The following HEATR1 variants were observed in gnomAD, a reference collection of about 807,000 sequenced individuals.
HEATR1 encodes the protein HEAT repeat containing 1.
In HEATR1, 77 loss-of-function variants were observed where a neutral mutation model predicts 248.2. That is an observed-to-expected ratio of 0.31 (90% CI 0.26 to 0.37). The LOEUF is 0.37. Ranked by LOEUF, HEATR1 falls within the 10% of genes least tolerant of loss-of-function variation. The pLI, the probability that HEATR1 is intolerant of heterozygous loss-of-function variation, is 1.00. For missense variants in HEATR1, 2,420 were observed against 2,504.9 expected (o/e 0.97, Z 0.72); for synonymous variants, 897 against 923.1 (o/e 0.97, Z 0.51).
At chr1:236,597,103 C>A (rs77645940) in intron 5 of HEATR1, 127 bp from the exon 6 acceptor site, 9 of 622,798 alleles carry the variant, frequency 1.4e-5, no homozygotes, top group Non-Finnish European at 1.9e-5. Context: ...CTAGCCTGGG[C>A]GACAAAGCAA....
chr1:236,572,170 A>C (rs1273612402), intron 26 of HEATR1, among the ~76,000 whole-genome samples: 3 of 152,212 alleles, frequency 2.0e-5, no homozygotes, highest in African/African-American at 7.2e-5. Context: ...GCTACTGAAA[A>C]GTTCAGAGGA....
intron 32 of HEATR1, 44 bp from the exon 33 acceptor site, chr1:236,561,315 T>C: frequency 6.8e-7 from 1 of 1,461,672 alleles, no homozygotes; most frequent in East Asian, 2.3e-5. Context: ...GGGAAGTCAA[T>C]AATAAAAGTC....
Position 236,582,998 on chromosome 1 carries a change from C to T in HEATR1, c.2425+15G>A, listed in dbSNP as rs751462492. The T allele has an allele frequency of 1.2e-6, 2 of 1,611,520 alleles. No homozygotes were observed. The highest frequency in any genetic ancestry group is 1.3e-5 in the African/African-American group (1 of 74,812). The stretch of plus-strand genomic sequence containing the variant: ...CAGAGTATCACATTTAAAAGATTCA[C>T]AGCTTGTATCTTACCTTTAGGAAAA... On this transcript the variant is annotated intron_variant, in intron 18 of 44. Transcript: ENST00000366582.
chr1:236,565,761 C>A (rs1206674202), intron 31 of HEATR1, among the ~76,000 whole-genome samples, 158 bp downstream of exon 31: 2 of 152,176 alleles, frequency 1.3e-5, no homozygotes, highest in Admixed American at 6.5e-5. Context: ...GGAATTCCGA[C>A]TATTTTCCAT....
intron 26 of HEATR1, 76 bp downstream of exon 26, chr1:236,572,333 GTT>G (rs1663451060): frequency 1.4e-6 from 2 of 1,419,170 alleles, no homozygotes; most frequent in South Asian, 2.4e-5. Flanking sequence ...AGAAGAGTAT[GTT>G]GAAAAGAGAA....
intron 3 of HEATR1, among the ~76,000 whole-genome samples, chr1:236,602,432 G>C (rs555096850): frequency 6.6e-6 from 1 of 152,332 alleles, no homozygotes; most frequent in South Asian, 2.1e-4. Context: ...TGCAGATAAA[G>C]TGCTTACCAG....
chr1:236,568,940 A>T, intron 29 of HEATR1, 56 bp downstream of exon 29: 1 of 1,257,252 alleles, frequency 8.0e-7, no homozygotes, highest in Non-Finnish European at 1.0e-6. Context: ...TGTCATTTAT[A>T]TGCAAAATTT....
intron 13 of HEATR1, 122 bp downstream of exon 13, chr1:236,587,826 A>G (rs1663935120): frequency 6.2e-6 from 4 of 647,674 alleles, no homozygotes; most frequent in African/African-American, 1.9e-5. Context: ...TGCTCTCCAG[A>G]GAACAAATTT....
At chr1:236,571,751 A>G in intron 26 of HEATR1, 65 bp from the exon 27 acceptor site, 1 of 1,173,988 alleles carries the variant, frequency 8.5e-7, no homozygotes, top group South Asian at 1.2e-5. Context: ...TGTTACATTA[A>G]TGGCCATTGT....
At chr1:236,566,129 T>C in intron 30 of HEATR1, 84 bp from the exon 31 acceptor site, 4 of 1,350,088 alleles carry the variant, frequency 3.0e-6, no homozygotes, top group Non-Finnish European at 1.0e-6. Context: ...TTAGGATTTC[T>C]AGCAGAACAG....
chr1:236,560,438 G>T (rs961192471), intron 33 of HEATR1, among the ~76,000 whole-genome samples: 4 of 152,168 alleles, frequency 2.6e-5, no homozygotes, highest in Non-Finnish European at 4.4e-5. Flanking sequence ...GCCAGCCTGA[G>T]GGGGGAGCTA....
At position 236,603,358 on chromosome 1, in the gene HEATR1, T is replaced by A; in HGVS notation, c.161A>T (p.Glu54Val). ...AAAGGAAGGATCAATTCCAAGCAAC[T>A]CTTCCAGGCCAGTACATCCTAAATT... ...AFAIGCTGLEELLGIDPSFEQ... is the reference protein window; with the variant it reads ...AFAIGCTGLEVLLGIDPSFEQ... The change falls in exon 3 of 45, where the codon GAG (glutamate) becomes GTG (valine). Residue 54 changes from glutamate to valine, a missense_variant. Transcript: ENST00000366582. 6.2e-7 allele frequency: 1 copy of A among 1,613,996 alleles called. No homozygotes were observed. Among genetic ancestry groups the A allele is most frequent in the Non-Finnish European group, 8.5e-7 (1 of 1,180,006 alleles).
chr1:236,601,256 T>TG lies in HEATR1; in HGVS notation c.360-1633_360-1632insC, dbSNP rs35610925. ...TTATCCCCACGTCTCCATTTTTTGTTTTTTTTTTTTGATACGGCGTCTCCC... is the reference window on the plus strand; with the variant it reads ...TTATCCCCACGTCTCCATTTTTTGTTGTTTTTTTTTTGATACGGCGTCTCCC... On this transcript the variant is annotated intron_variant, in intron 3 of 44. Transcript: ENST00000366582. 6.1e-3 allele frequency among the ~76,000 whole-genome samples: 925 copies of TG among 150,444 alleles called. 6 individuals are homozygous for TG. Among genetic ancestry groups the TG allele is most frequent in the Non-Finnish European group, 0.01 (705 of 67,450 alleles).
intron 20 of HEATR1, 89 bp downstream of exon 20, chr1:236,581,133 T>TA (rs1663726713): frequency 8.4e-7 from 1 of 1,185,182 alleles, no homozygotes; most frequent in East Asian, 2.4e-5. Flanking sequence ...TATTTTTTTT[T>TA]AAGTTATAAT....
intron 2 of HEATR1, 129 bp from the exon 3 acceptor site, chr1:236,603,505 G>C (rs1664382412): frequency 1.5e-6 from 1 of 679,120 alleles, no homozygotes; most frequent in Non-Finnish European, 2.5e-6. Context: ...TTATAATACA[G>C]TCCCAAACAC....
intron 15 of HEATR1, 93 bp from the exon 16 acceptor site, chr1:236,586,034 T>A: frequency 6.8e-7 from 1 of 1,478,282 alleles, no homozygotes; most frequent in South Asian, 1.2e-5. Flanking sequence ...CTATTGTTTA[T>A]GAAGGTTTGC....
chr1:236,569,207 G>A (rs914237493), intron 28 of HEATR1, 83 bp from the exon 29 acceptor site: 94 of 1,094,336 alleles, frequency 8.6e-5, no homozygotes, highest in Middle Eastern at 2.8e-4. Context: ...GTCTCGCTCC[G>A]TCATTCAGGC....
intron 32 of HEATR1, 64 bp downstream of exon 32, chr1:236,564,434 T>C (rs1465662726): frequency 1.4e-6 from 2 of 1,439,902 alleles, no homozygotes; most frequent in Non-Finnish European, 1.9e-6. Flanking sequence ...CTTCTACTGG[T>C]TGAGAACAGT....
intron 6 of HEATR1, 129 bp downstream of exon 6, chr1:236,596,707 A>G (rs1326821881): frequency 1.1e-6 from 1 of 873,322 alleles, no homozygotes; most frequent in African/African-American, 1.7e-5. Flanking sequence ...TTCAACCTAA[A>G]GGCTAAATCT....
Sources: gnomAD v4.1 joint callset for allele counts (sites outside exome capture counted in the v4.1 genomes callset) on GRCh38, gnomAD v4.1.1 for gene constraint, MANE v1.5 for transcripts, NCBI Gene and HGNC (gene_info 2026-07-23, HGNC 2026-07-21) for gene names.